Variants in AMPH observed in about 807,000 individuals in gnomAD.
AMPH encodes amphiphysin (Stiff-Mann syndrome with breast cancer 128kD autoantigen).
AMPH carries 49 observed loss-of-function variants against 99.1 expected under a neutral mutation model. That is an observed-to-expected ratio of 0.49 (90% CI 0.39 to 0.63). The LOEUF (loss-of-function observed/expected upper bound fraction) is 0.63. AMPH is among the 20% of genes least tolerant of loss of function. AMPH has a pLI of 0.00. For missense variants in AMPH, 759 were observed against 863.4 expected (o/e 0.88, Z 1.52); for synonymous variants, 314 against 317.3 (o/e 0.99, Z 0.11).
At chr7:38,504,442 G>A (rs895908682) in intron 2 of AMPH, among the ~76,000 whole-genome samples, 2 of 152,156 alleles carry the variant, frequency 1.3e-5, no homozygotes, top group Non-Finnish European at 2.9e-5. Context: ...AGTTTAATTT[G>A]GAGTTAGTCA....
At chr7:38,448,617 TG>T (rs2129002147) in intron 11 of AMPH, among the ~76,000 whole-genome samples, 1 of 152,334 alleles carries the variant, frequency 6.6e-6, no homozygotes, top group African/African-American at 2.4e-5. Flanking sequence ...AATATCTTAC[TG>T]TTATGTAGTA....
chr7:38,409,397 T>C (rs1785149938), intron 17 of AMPH, among the ~76,000 whole-genome samples: 3 of 152,176 alleles, frequency 2.0e-5, no homozygotes, highest in Admixed American at 6.5e-5. Context: ...AGAAGATGAT[T>C]GGACTATGGC....
intron 2 of AMPH, among the ~76,000 whole-genome samples, chr7:38,527,352 A>G (rs1790226231): frequency 6.6e-6 from 1 of 152,226 alleles, no homozygotes; most frequent in African/African-American, 2.4e-5. Flanking sequence ...GACAACCAAC[A>G]TGTTTACTGT....
At chr7:38,627,847 T>C (rs1794312990) in intron 1 of AMPH, among the ~76,000 whole-genome samples, 4 of 152,132 alleles carry the variant, frequency 2.6e-5, no homozygotes, top group Non-Finnish European at 1.5e-5. Context: ...TGTTAGATAT[T>C]ATTATTATTA....
intron 1 of AMPH, among the ~76,000 whole-genome samples, chr7:38,553,242 A>G (rs551508368): frequency 3.3e-5 from 5 of 152,064 alleles, no homozygotes; most frequent in Non-Finnish European, 7.4e-5. Context: ...GGGGGCCTCA[A>G]CTCCACTGTG....
intron 1 of AMPH, among the ~76,000 whole-genome samples, chr7:38,598,389 G>T (rs1000503789): frequency 6.6e-6 from 1 of 151,788 alleles, no homozygotes; most frequent in Admixed American, 6.6e-5. Flanking sequence ...TGCAACCTCT[G>T]CCTCCCAGGT....
chr7:38,545,621 T>A (rs7796967), intron 1 of AMPH, among the ~76,000 whole-genome samples: 1 of 152,088 alleles, frequency 6.6e-6, no homozygotes, highest in South Asian at 2.1e-4. Flanking sequence ...CACAAACACA[T>A]CATAAATGAA....
In AMPH at chr7:38,503,754, A is replaced by T. The variant is rs549083416; in HGVS notation, c.151-50T>A. ...AAATATCTAGTCTATATTCTGCATGAAAACATGTAAGAAGTGCTAAGTCTC... is the reference window on the plus strand; with the variant it reads ...AAATATCTAGTCTATATTCTGCATGTAAACATGTAAGAAGTGCTAAGTCTC... On this transcript the variant is annotated intron_variant, in intron 2 of 20. Transcript: ENST00000356264. 1.5e-5 allele frequency: 24 copies of T among 1,575,872 alleles called. No homozygotes were observed. In the East Asian group the frequency reaches 5.2e-4, roughly 34 times the overall value.
At chr7:38,430,796 A>C (rs1009406498) in intron 13 of AMPH, among the ~76,000 whole-genome samples, 1 of 152,210 alleles carries the variant, frequency 6.6e-6, no homozygotes, top group African/African-American at 2.4e-5. Context: ...AGACATTTTT[A>C]ATCTCTCTTC....
intron 3 of AMPH, among the ~76,000 whole-genome samples, chr7:38,503,445 C>T (rs960309604): frequency 2.3e-5 from 3 of 132,746 alleles, no homozygotes; most frequent in South Asian, 2.4e-4. Context: ...TAAGGGCACA[C>T]ATATTTTTTC....
chr7:38,607,032 C>T (rs923862190), intron 1 of AMPH, among the ~76,000 whole-genome samples: 3 of 152,090 alleles, frequency 2.0e-5, no homozygotes, highest in African/African-American at 7.2e-5. Context: ...TTTGTTTGAA[C>T]ACTTGTTTTC....
At chr7:38,481,580 CTTA>C (rs1788282765) in intron 5 of AMPH, among the ~76,000 whole-genome samples, 1 of 152,080 alleles carries the variant, frequency 6.6e-6, no homozygotes, top group Non-Finnish European at 1.5e-5. Context: ...CAAGCAGGCT[CTTA>C]TTATAACAGT....
chr7:38,414,361 A>G (rs1432373801), intron 17 of AMPH, among the ~76,000 whole-genome samples: 3 of 152,220 alleles, frequency 2.0e-5, no homozygotes, highest in Non-Finnish European at 4.4e-5. Flanking sequence ...AGTCTTCCTT[A>G]CATTTATATG....
chr7:38,602,898 A>T (rs1361180109), intron 1 of AMPH, among the ~76,000 whole-genome samples: 1 of 152,094 alleles, frequency 6.6e-6, no homozygotes, highest in African/African-American at 2.4e-5. Flanking sequence ...CATTCTCCAA[A>T]ATTACTGGTG....
intron 18 of AMPH, among the ~76,000 whole-genome samples, chr7:38,392,302 A>T (rs1784525570): frequency 6.8e-6 from 1 of 147,070 alleles, no homozygotes. Flanking sequence ...AGGGGATGGG[A>T]GACAGAGTCT....
intron 12 of AMPH, 115 bp from the exon 13 acceptor site, chr7:38,432,327 C>T (rs930083828): frequency 1.1e-6 from 1 of 923,434 alleles, no homozygotes; most frequent in African/African-American, 1.7e-5. Flanking sequence ...TTGTACAGTA[C>T]TGTTCAATAA....
At chr7:38,475,812 T>C (rs2129014395) in intron 6 of AMPH, among the ~76,000 whole-genome samples, 1 of 152,340 alleles carries the variant, frequency 6.6e-6, no homozygotes. Context: ...TTATAGAGCA[T>C]GCTATATGGA....
At chr7:38,562,508 C>T (rs1021944835) in intron 1 of AMPH, among the ~76,000 whole-genome samples, 2 of 152,098 alleles carry the variant, frequency 1.3e-5, no homozygotes, top group African/African-American at 2.4e-5. Context: ...GACTTAAAGG[C>T]CTTTCACACC....
At position 38,461,290 on chromosome 7, in the gene AMPH, G is replaced by A. The variant is rs1391062409; in HGVS notation, c.1010C>T (p.Pro337Leu). The A allele has an allele frequency of 1.9e-6, 3 of 1,613,808 alleles. No individual in the cohort carries two copies. The highest frequency in any genetic ancestry group is 1.1e-5 in the South Asian group (1 of 91,064). The change falls in exon 11 of 21, where the codon CCT (proline) becomes CTT (leucine). Residue 337 changes from proline to leucine, a missense_variant. Coordinates refer to ENST00000356264, the MANE Select transcript of AMPH (RefSeq NM_001635.4). The part of the protein sequence containing the change: ...NFVPEISVTT[P>L]SQNEVPEVKK... ...CCTGAACCAGGCACTTACCTGGGAA[G>A]GTGTTGTCACACTGATTTCTGGAAC... is the stretch of plus-strand genomic sequence containing the variant.
Sources: allele counts gnomAD v4.1 joint callset (sites outside exome capture counted in the v4.1 genomes callset), GRCh38; gene constraint gnomAD v4.1.1; transcripts MANE v1.5; gene names NCBI Gene and HGNC (gene_info 2026-07-23, HGNC 2026-07-21).